DSCAM: variants seen among roughly 807,000 people sequenced by gnomAD.
The protein encoded by DSCAM is DS cell adhesion molecule, also known as cell adhesion molecule DSCAM.
In DSCAM, 47 loss-of-function variants were observed where a neutral mutation model predicts 217.7. The observed-to-expected ratio is 0.22, with a 90% confidence interval of 0.17 to 0.28. The LOEUF (loss-of-function observed/expected upper bound fraction) is 0.28. Among genes scored for constraint, DSCAM ranks in the 10% least tolerant of loss-of-function variants. DSCAM has a pLI of 1.00. For synonymous variants in DSCAM, 1,056 were observed against 1,015.3 expected (o/e 1.04, Z -0.76); for missense variants, 2,080 against 2,618.3 (o/e 0.79, Z 4.49).
intron 3 of DSCAM, among the ~76,000 whole-genome samples, chr21:40,649,651 A>C (rs1470180243): frequency 6.6e-6 from 1 of 152,146 alleles, no homozygotes; most frequent in Non-Finnish European, 1.5e-5. Context: ...AAACATGCCA[A>C]GGTAGTTCAC....
rs567589058 is a variant in DSCAM at position 40,676,028 on chromosome 21, G to A, written c.508+16782C>T. Among the ~76,000 whole-genome samples the A allele has an allele frequency of 3.3e-5, 5 of 152,266 alleles. No homozygotes were observed. The South Asian group carries it at 1.0e-3, about 32-fold the overall frequency. Reference sequence around the variant, plus strand: ...ATATTTTTCCCACCACCAAAAAGGTGTAAAATTTATAAACTGATCAATAAC... The same window carrying A: ...ATATTTTTCCCACCACCAAAAAGGTATAAAATTTATAAACTGATCAATAAC... On this transcript the variant is annotated intron_variant, in intron 3 of 32. Coordinates refer to ENST00000400454, the MANE Select transcript of DSCAM (RefSeq NM_001389.5).
chr21:40,397,712 A>G (rs776263880), intron 3 of DSCAM, among the ~76,000 whole-genome samples: 5 of 152,016 alleles, frequency 3.3e-5, no homozygotes, highest in African/African-American at 1.2e-4. Context: ...TGCTGCTACC[A>G]CTATTACTAT....
chr21:40,771,424 G>A (rs1569028800), intron 1 of DSCAM, among the ~76,000 whole-genome samples: 2 of 152,184 alleles, frequency 1.3e-5, no homozygotes, highest in Admixed American at 6.5e-5. Context: ...CCCGAAAGGT[G>A]GAGTTTTGAA....
chr21:40,264,305 A>C (rs538987704), intron 11 of DSCAM, among the ~76,000 whole-genome samples: 11 of 152,316 alleles, frequency 7.2e-5, no homozygotes, highest in Admixed American at 7.2e-4. Context: ...TTCTCAACAC[A>C]ATACTAGCAA....
chr21:40,685,549 G>T (rs1043610176), intron 3 of DSCAM, among the ~76,000 whole-genome samples: 2 of 152,202 alleles, frequency 1.3e-5, no homozygotes, highest in African/African-American at 2.4e-5. Flanking sequence ...ATGACTCATT[G>T]CTGGAGAAAT....
rs1357665699 is a variant in DSCAM at position 40,089,148 on chromosome 21, C to T, written c.3851-1861G>A. ...GCTACTTCATCTTCAAGCCCAACAA[C>T]CCCCATGCTATCGCTCAATGCCCAT... On this transcript the variant is annotated intron_variant, in intron 21 of 32. Coordinates refer to ENST00000400454, the MANE Select transcript of DSCAM (RefSeq NM_001389.5). Among the ~76,000 whole-genome samples the T allele has an allele frequency of 2.6e-5, 4 of 152,316 alleles. No homozygotes were observed. In the East Asian group the frequency reaches 7.7e-4, roughly 29 times the overall value.
intron 3 of DSCAM, among the ~76,000 whole-genome samples, chr21:40,378,992 A>T (rs760445766): frequency 6.6e-6 from 1 of 152,224 alleles, no homozygotes; most frequent in Non-Finnish European, 1.5e-5. Context: ...AAAAGACAGT[A>T]AGGTATATGT....
At chr21:40,482,490 T>TAA (rs2075991716) in intron 3 of DSCAM, among the ~76,000 whole-genome samples, 1 of 152,208 alleles carries the variant, frequency 6.6e-6, no homozygotes, top group African/African-American at 2.4e-5. Flanking sequence ...TTTTTCAGAA[T>TAA]TTTTACTCAC....
intron 3 of DSCAM, among the ~76,000 whole-genome samples, chr21:40,558,772 C>A (rs1326953186): frequency 2.0e-5 from 3 of 152,090 alleles, no homozygotes; most frequent in Non-Finnish European, 4.4e-5. Context: ...AAGTTTTTGT[C>A]CCTTTTCACA....
At position 40,110,487 on chromosome 21, in the gene DSCAM, G is replaced by T. The variant is rs370319189; in HGVS notation, c.3696+13708C>A. ...GGGAAAAAACAGAGCAGAAGAACTG[G>T]AAACTCTAAAAATCAGAATGCCTCT... On this transcript the variant is annotated intron_variant, in intron 20 of 32. Coordinates refer to ENST00000400454, the MANE Select transcript of DSCAM (RefSeq NM_001389.5). 4.6e-5 allele frequency among the ~76,000 whole-genome samples: 7 copies of T among 152,144 alleles called. No homozygotes were observed. In the East Asian group the frequency reaches 1.3e-3, roughly 29 times the overall value.
At chr21:40,421,867 G>A (rs1480074208) in intron 3 of DSCAM, among the ~76,000 whole-genome samples, 1 of 152,206 alleles carries the variant, frequency 6.6e-6, no homozygotes. Context: ...TGCAGGGGAG[G>A]GTGCTTAGAA....
chr21:40,717,906 T>G (rs2090859478), intron 1 of DSCAM, among the ~76,000 whole-genome samples: 2 of 151,934 alleles, frequency 1.3e-5, no homozygotes, highest in Admixed American at 1.3e-4. Flanking sequence ...AAACACTGAG[T>G]AGACAGGGAG....
chr21:40,062,208 G>A (rs529726661), intron 28 of DSCAM, among the ~76,000 whole-genome samples: 53 of 152,222 alleles, frequency 3.5e-4, no homozygotes, highest in Non-Finnish European at 6.5e-4. Context: ...CTGTGGACGT[G>A]TGAAAGGAAA....
At chr21:40,671,033 A>G (rs1442578196) in intron 3 of DSCAM, among the ~76,000 whole-genome samples, 1 of 152,232 alleles carries the variant, frequency 6.6e-6, no homozygotes, top group African/African-American at 2.4e-5. Flanking sequence ...AAAGAACTTA[A>G]AAATACTACT....
chr21:40,173,161 A>C (rs1945385976), intron 15 of DSCAM, among the ~76,000 whole-genome samples: 1 of 152,216 alleles, frequency 6.6e-6, no homozygotes, highest in South Asian at 2.1e-4. Context: ...GCAGACCATA[A>C]GCAAAATAAA....
At chr21:40,418,874 C>A (rs1232754529) in intron 3 of DSCAM, among the ~76,000 whole-genome samples, 1 of 151,938 alleles carries the variant, frequency 6.6e-6, no homozygotes, top group Non-Finnish European at 1.5e-5. Context: ...CCTGATAGAA[C>A]AATTTAAAAA....
intron 11 of DSCAM, among the ~76,000 whole-genome samples, chr21:40,203,993 C>T (rs7277121): frequency 0.049 from 7,448 of 152,168 alleles, 408 homozygotes; most frequent in African/African-American, 0.13. Context: ...AATAATATAA[C>T]GGTTGTGTCC....
At chr21:40,687,003 A>T (rs2090486470) in intron 3 of DSCAM, among the ~76,000 whole-genome samples, 1 of 152,182 alleles carries the variant, frequency 6.6e-6, no homozygotes, top group African/African-American at 2.4e-5. Context: ...CATGGTAAAA[A>T]CATGACATCT....
chr21:40,219,885 T>C (rs962791497), intron 11 of DSCAM, among the ~76,000 whole-genome samples: 1 of 152,248 alleles, frequency 6.6e-6, no homozygotes, highest in East Asian at 1.9e-4. Context: ...ACTTTTGTTA[T>C]ATATACACCA....
Sources: allele counts gnomAD v4.1 joint callset (sites outside exome capture counted in the v4.1 genomes callset), GRCh38; gene constraint gnomAD v4.1.1; transcripts MANE v1.5; gene names NCBI Gene and HGNC (gene_info 2026-07-23, HGNC 2026-07-21).